Variants in ARHGEF4 observed in about 807,000 individuals in gnomAD.
The protein encoded by ARHGEF4 is APC-stimulated guanine nucleotide exchange factor 1.
ARHGEF4 carries 119 observed loss-of-function variants against 162.0 expected under a neutral mutation model. The observed-to-expected ratio is 0.73, with a 90% CI of 0.63 to 0.86. ARHGEF4 has a LOEUF of 0.86. Among genes scored for constraint, ARHGEF4 ranks in the 40% least tolerant of loss-of-function variants. The pLI is 0.00. For missense variants in ARHGEF4, 2,488 were observed against 2,456.0 expected (o/e 1.01, Z -0.28); for synonymous variants, 1,014 against 979.9 (o/e 1.03, Z -0.65).
chr2:130,898,643 A>G (rs1680304437), intron 1 of ARHGEF4, among the ~76,000 whole-genome samples: 1 of 152,298 alleles, frequency 6.6e-6, no homozygotes, highest in Non-Finnish European at 1.5e-5. Flanking sequence ...CTCTGGGCAG[A>G]CACACATTCA....
At chr2:130,923,648 A>T (rs1303260881) in intron 2 of ARHGEF4, among the ~76,000 whole-genome samples, 1 of 152,192 alleles carries the variant, frequency 6.6e-6, no homozygotes, top group East Asian at 1.9e-4. Flanking sequence ...GTGAGCGAGT[A>T]AGATCATTTC....
rs778371119 is a variant in ARHGEF4, at chr2:130,916,148, A to G, written c.2202A>G (p.Gly734=). Residue 734 remains glycine, a synonymous_variant, in exon 2 of 14, where the codon GGA becomes GGG. Coordinates refer to ENST00000409359, the MANE Select transcript of ARHGEF4 (RefSeq NM_001367493.1). The part of the protein sequence containing the change: ...EETPSTEEPP[G]ERLRGESRSS... ...CGCCGAGCACAGAGGAGCCCCCGGGAGAGAGACTGCGTGGGGAGAGCCGGA... is the reference window on the plus strand; with the variant it reads ...CGCCGAGCACAGAGGAGCCCCCGGGGGAGAGACTGCGTGGGGAGAGCCGGA... 209 of 1,548,892 alleles carry G rather than the reference A, an allele frequency of 1.3e-4. No homozygotes were observed. Among genetic ancestry groups the G allele is most frequent in the Non-Finnish European group, 1.8e-4 (201 of 1,146,826 alleles).
Position 130,915,844 on chromosome 2 carries a change from T to C in ARHGEF4, c.1898T>C (p.Ile633Thr). Residue 633 changes from isoleucine to threonine, a missense_variant, in exon 2 of 14, where the codon ATT becomes ACT. Physicochemically the swap from Ile to Thr is moderately conservative, Grantham distance 89. Around this residue, in one of 6 missense-constraint regions of ARHGEF4, gnomAD observed 1,642 missense variants for 1,481.5 expected, o/e 1.11. Coordinates refer to ENST00000409359, the MANE Select transcript of ARHGEF4 (RefSeq NM_001367493.1). Reference protein sequence around the residue: ...EASRGRGALIIVAVEQKGLQA... With the variant: ...EASRGRGALITVAVEQKGLQA... ...TCGAGGGGCAGGGGCGCCCTCATCATTGTAGCTGTGGAGCAGAAAGGTCTT... is the reference window on the plus strand; with the variant it reads ...TCGAGGGGCAGGGGCGCCCTCATCACTGTAGCTGTGGAGCAGAAAGGTCTT... The C allele has an allele frequency of 6.5e-7, 1 of 1,539,364 alleles. No individual in the cohort carries two copies. Among genetic ancestry groups the C allele is most frequent in the Non-Finnish European group, 8.8e-7 (1 of 1,141,470 alleles).
At chr2:130,881,588 A>G (rs1042670775) in intron 1 of ARHGEF4, among the ~76,000 whole-genome samples, 7 of 152,112 alleles carry the variant, frequency 4.6e-5, no homozygotes, top group African/African-American at 1.7e-4. Flanking sequence ...GTGGGAGTTC[A>G]TCACTAAGAG....
intron 4 of ARHGEF4, among the ~76,000 whole-genome samples, chr2:130,988,227 C>T (rs1434777390): frequency 2.6e-5 from 4 of 152,194 alleles, no homozygotes; most frequent in Admixed American, 2.0e-4. Flanking sequence ...ACCTCCTCCG[C>T]AGCCGTGTCC....
chr2:130,967,569 G>A (rs1685084395), intron 4 of ARHGEF4, among the ~76,000 whole-genome samples: 1 of 152,270 alleles, frequency 6.6e-6, no homozygotes, highest in African/African-American at 2.4e-5. Flanking sequence ...TCCCCCGCAG[G>A]CTTCTGCAGC....
Position 130,992,418 on chromosome 2 carries a change from C to G in ARHGEF4, c.3986-35527C>G, listed in dbSNP as rs540658370. Among the ~76,000 whole-genome samples the G allele has an allele frequency of 3.3e-5, 5 of 152,138 alleles. No homozygotes were observed. In the South Asian group the frequency reaches 1.0e-3, roughly 32 times the overall value. ...ACCGCGAAGGTCTGTAGCTTCACTC[C>G]TGAAGCCAGCGAGACCACGAGCCCA... On this transcript the variant is annotated intron_variant, in intron 4 of 13. Transcript: ENST00000409359.
chr2:130,903,171 G>T (rs1574195369), intron 1 of ARHGEF4, among the ~76,000 whole-genome samples: 1 of 146,378 alleles, frequency 6.8e-6, no homozygotes, highest in Admixed American at 6.8e-5. Context: ...TATGGTGCCT[G>T]TTTTGAAATC....
At chr2:131,002,742 G>C (rs895065746) in intron 4 of ARHGEF4, among the ~76,000 whole-genome samples, 25 of 136,186 alleles carry the variant, frequency 1.8e-4, no homozygotes, top group African/African-American at 7.0e-4. Context: ...AAAAAAAAAA[G>C]GGTTGTGGGG....
intron 1 of ARHGEF4, among the ~76,000 whole-genome samples, chr2:130,902,389 C>A (rs762465737): frequency 6.6e-6 from 1 of 152,046 alleles, no homozygotes; most frequent in Non-Finnish European, 1.5e-5. Flanking sequence ...AGGTCAGGAG[C>A]TTGAGAACAG....
At chr2:131,016,739 C>T (rs72998316) in intron 4 of ARHGEF4, among the ~76,000 whole-genome samples, 6,654 of 152,294 alleles carry the variant, frequency 0.044, 218 homozygotes, top group South Asian at 0.14. Flanking sequence ...GGTCTGGGGA[C>T]GGGTCTCAAG....
At chr2:130,940,770 T>C (rs1211090237) in intron 3 of ARHGEF4, among the ~76,000 whole-genome samples, 4 of 142,934 alleles carry the variant, frequency 2.8e-5, no homozygotes, top group Non-Finnish European at 3.0e-5. Flanking sequence ...AGGCAGAGCT[T>C]GCAGTGAGCC....
chr2:130,963,486 C>T (rs561580461), intron 4 of ARHGEF4, among the ~76,000 whole-genome samples: 23 of 152,166 alleles, frequency 1.5e-4, no homozygotes, highest in Admixed American at 4.6e-4. Flanking sequence ...GGGCGCCCAC[C>T]AGCCCTCCTC....
rs567143624 is a variant in ARHGEF4 at position 130,915,175 on chromosome 2, G to A, written c.1229G>A (p.Arg410His). Residue 410 changes from arginine (R) to histidine (H), a missense_variant, in exon 2 of 14, where the codon CGC becomes CAC. Physicochemically the swap from Arg to His is conservative, Grantham distance 29. Around this residue, in one of 6 missense-constraint regions of ARHGEF4, gnomAD observed 1,642 missense variants for 1,481.5 expected, o/e 1.11. Coordinates refer to ENST00000409359, the MANE Select transcript of ARHGEF4 (RefSeq NM_001367493.1). ...LQGPCKPGGF[R>H]LQRASQDTPS... ...GGTCCCTGCAAGCCTGGTGGGTTTC[G>A]CTTGCAAAGGGCCTCTCAGGACACT... is the stretch of plus-strand genomic sequence containing the variant. The A allele has an allele frequency of 4.6e-5, 72 of 1,550,600 alleles. No homozygotes were observed. Among genetic ancestry groups the A allele is most frequent in the African/African-American group, 2.2e-4 (16 of 73,182 alleles).
chr2:130,838,795 G>T (rs2104844796), intron 1 of ARHGEF4, among the ~76,000 whole-genome samples: 1 of 152,306 alleles, frequency 6.6e-6, no homozygotes, highest in Non-Finnish European at 1.5e-5. Context: ...AATCCAAGAT[G>T]CCTGGGCAGA....
At chr2:130,970,587 C>CAAAA (rs57254908) in intron 4 of ARHGEF4, among the ~76,000 whole-genome samples, 2 of 116,956 alleles carry the variant, frequency 1.7e-5, no homozygotes, top group African/African-American at 6.3e-5. Context: ...GAAACTCCAT[C>CAAAA]AAAAAAAAAA....
At position 131,039,000 on chromosome 2, in the gene ARHGEF4, G is replaced by A. The variant is rs1690531838; in HGVS notation, c.4273G>A (p.Gly1425Ser). ...GTGGTGGTGGGGCCGGGTCGCCGAT[G>A]GCGAGGGCTGGTTTCCAGCCAGCTT... ...REWWWGRVAD[G>S]EGWFPASFVR... is the part of the protein sequence containing the mutation. The change falls in exon 6 of 14, where the codon GGC (glycine) becomes AGC (serine). Residue 1425 changes from glycine (G) to serine (S), a missense_variant. This residue lies in a region of ARHGEF4 where 174 missense variants were observed against 148.3 expected (regional missense o/e 1.17). Transcript: ENST00000409359. The A allele has an allele frequency of 7.4e-6, 12 of 1,613,368 alleles. No individual in the cohort carries two copies. Among genetic ancestry groups the A allele is most frequent in the Non-Finnish European group, 9.3e-6 (11 of 1,179,832 alleles).
At chr2:130,976,369 G>A (rs888733351) in intron 4 of ARHGEF4, among the ~76,000 whole-genome samples, 2 of 151,404 alleles carry the variant, frequency 1.3e-5, no homozygotes, top group African/African-American at 2.4e-5. Flanking sequence ...GTGTGTGTGT[G>A]TACACATCTG....
chr2:131,039,995 C>A lies in ARHGEF4; in HGVS notation c.4306-21C>A, dbSNP rs762338419. On this transcript the variant is annotated intron_variant, in intron 6 of 13. Coordinates refer to ENST00000409359, the MANE Select transcript of ARHGEF4 (RefSeq NM_001367493.1). ...TGCTCCGAGGGATGCGGGGCACTGA[C>A]CGGCCACGCATGGCCTGCAGCTGAG... is the stretch of plus-strand genomic sequence containing the variant. The A allele has an allele frequency of 6.5e-6, 10 of 1,549,234 alleles. No individual in the cohort carries two copies. In the South Asian group the frequency reaches 1.2e-4, roughly 18 times the overall value.
Sources: allele counts gnomAD v4.1 joint callset (sites outside exome capture counted in the v4.1 genomes callset), GRCh38; gene constraint gnomAD v4.1.1; regional missense constraint gnomAD v4.1.1; transcripts MANE v1.5; gene names NCBI Gene and HGNC (gene_info 2026-07-23, HGNC 2026-07-21).